The following FAT1 variants were observed in gnomAD, a reference collection of about 807,000 sequenced individuals.
The protein encoded by FAT1 is FAT atypical cadherin 1, also known as protocadherin Fat 1.
A neutral mutation model predicts 329.8 loss-of-function variants in FAT1; 171 were observed. The ratio of observed to expected loss-of-function variants is 0.52; its 90% confidence interval spans 0.46 to 0.59. The LOEUF (loss-of-function observed/expected upper bound fraction) is 0.59, where lower values mean the gene tolerates loss of function less well. Among genes scored for constraint, FAT1 ranks in the 20% least tolerant of loss-of-function variants. The pLI is 0.00. For synonymous variants in FAT1, 2,233 were observed against 2,228.6 expected (o/e 1.00, Z -0.06); for missense variants, 5,672 against 5,774.4 (o/e 0.98, Z 0.57).
chr4:186,616,413 C>T (rs910618038), intron 11 of FAT1, among the ~76,000 whole-genome samples: 3 of 152,048 alleles, frequency 2.0e-5, no homozygotes, highest in South Asian at 2.1e-4. Flanking sequence ...CCACTCCTGA[C>T]GACCCACTTA....
intron 26 of FAT1, among the ~76,000 whole-genome samples, chr4:186,595,445 A>G (rs930601297): frequency 1.3e-5 from 2 of 152,222 alleles, no homozygotes; most frequent in African/African-American, 4.8e-5. Context: ...TTAGTCGATC[A>G]GATCCTTCAA....
At position 186,611,596 on chromosome 4, in the gene FAT1, T is replaced by C. The variant is rs1739449203; in HGVS notation, c.9643A>G (p.Thr3215Ala). The change falls in exon 14 of 27, where the codon ACT (threonine) becomes GCT (alanine). Residue 3215 changes from threonine (T) to alanine (A), a missense_variant. By Grantham distance (58) the Thr-to-Ala change is moderately conservative. Coordinates refer to ENST00000441802, the MANE Select transcript of FAT1 (RefSeq NM_005245.4). Reference protein sequence around the residue: ...GLPRRLTATGTVIVSVLDIND... With the variant: ...GLPRRLTATGAVIVSVLDIND... ...ATGTCAAGAACTGATACAATCACAG[T>C]GCCAGTGGCAGTCAGCCTCCTTGGC... The C allele has an allele frequency of 6.2e-7, 1 of 1,613,812 alleles. No individual in the cohort carries two copies.
intron 1 of FAT1, 103 bp from the exon 2 acceptor site, chr4:186,709,948 T>C (rs1579493605): frequency 4.6e-6 from 5 of 1,088,260 alleles, no homozygotes; most frequent in Admixed American, 2.9e-5. Flanking sequence ...TCCATACACA[T>C]GGAATATAAA....
At chr4:186,688,668 A>AC (rs1743604491) in intron 2 of FAT1, among the ~76,000 whole-genome samples, 1 of 110,858 alleles carries the variant, frequency 9.0e-6, no homozygotes, top group Non-Finnish European at 1.8e-5. Flanking sequence ...CCCCCAAAAA[A>AC]ACACACACCC....
chr4:186,646,176 C>G (rs903376416), intron 3 of FAT1, among the ~76,000 whole-genome samples: 8 of 152,014 alleles, frequency 5.3e-5, no homozygotes, highest in African/African-American at 1.9e-4. Flanking sequence ...CCTATGTTCA[C>G]CTCACCCGGC....
intron 1 of FAT1, among the ~76,000 whole-genome samples, chr4:186,711,950 GGAT>G (rs1403646892): frequency 6.6e-6 from 1 of 152,048 alleles, no homozygotes; most frequent in Non-Finnish European, 1.5e-5. Context: ...AGAAACACTT[GGAT>G]GATGTTTAGC....
chr4:186,619,749 G>T lies in FAT1; in HGVS notation c.6837C>A (p.Asn2279Lys). ...AAGACTGCTGAGCAAACACAGGAGG[G>T]TTATCATTGATGTCGTCTACTATGA... is the stretch of plus-strand genomic sequence containing the variant. Reference protein sequence around the residue: ...VDIIVDDINDNPPVFAQQSYA... With the variant: ...VDIIVDDINDKPPVFAQQSYA... Residue 2279 changes from asparagine to lysine, a missense_variant, in exon 10 of 27, where the codon AAC (asparagine) becomes AAA (lysine). Coordinates refer to ENST00000441802, the MANE Select transcript of FAT1 (RefSeq NM_005245.4). 6.2e-7 allele frequency: 1 copy of T among 1,613,984 alleles called. No homozygotes were observed. The highest frequency in any genetic ancestry group is 1.1e-5 in the South Asian group (1 of 91,082).
At chr4:186,680,900 G>A (rs1198673027) in intron 2 of FAT1, among the ~76,000 whole-genome samples, 3 of 152,116 alleles carry the variant, frequency 2.0e-5, no homozygotes, top group Non-Finnish European at 2.9e-5. Flanking sequence ...ATTGGTGAGG[G>A]AAATGGCTCA....
intron 22 of FAT1, among the ~76,000 whole-genome samples, chr4:186,599,029 C>T (rs1257972958): frequency 1.3e-5 from 2 of 152,208 alleles, no homozygotes; most frequent in South Asian, 2.1e-4. Context: ...TGCCATACTC[C>T]TTTACTCCTG....
In FAT1 at chr4:186,603,976, A is replaced by G. The variant is rs1364298146; in HGVS notation, c.10550T>C (p.Val3517Ala). 1.2e-6 allele frequency: 2 copies of G among 1,603,748 alleles called. No individual in the cohort carries two copies. The highest frequency in any genetic ancestry group is 2.2e-5 in the East Asian group (1 of 44,674). Residue 3517 changes from valine (V) to alanine (A), a missense_variant and splice_region_variant, in exon 19 of 27, where the codon GTG becomes GCG. Coordinates refer to ENST00000441802, the MANE Select transcript of FAT1 (RefSeq NM_005245.4). ...CAACTGAGGCTTTCCATTATCTGCC[A>G]CCTACAAGAAAAGAAAAATAAAATC... Reference protein sequence around the residue: ...EKDHYLLQVKVADNGKPQLSS... With the variant: ...EKDHYLLQVKAADNGKPQLSS...
In FAT1 at chr4:186,619,920, G is replaced by A. The variant is rs1404973734; in HGVS notation, c.6666C>T (p.Asp2222=). 4 of 1,613,854 alleles carry A rather than the reference G, an allele frequency of 2.5e-6. No individual in the cohort carries two copies. The highest frequency in any genetic ancestry group is 3.4e-6 in the Non-Finnish European group (4 of 1,179,892). ...AGTTAATAGTGAACTGGCTGAAAGG[G>A]TCTCCGTCTGTGATGCTGTAGAACA... ...LKVFYSITDG[D]PFSQFTINFN... Residue 2222 remains aspartate (D), a synonymous_variant, in exon 10 of 27, where the codon GAC becomes GAT. Transcript: ENST00000441802.
rs1739279017 is a variant in FAT1, at chr4:186,609,228, G to A, written c.10161C>T (p.Pro3387=). The A allele has an allele frequency of 3.1e-6, 5 of 1,613,966 alleles. No individual in the cohort carries two copies. The highest frequency in any genetic ancestry group is 1.7e-4 in the Middle Eastern group (1 of 6,060). The change falls in exon 16 of 27, where the codon CCC becomes CCT. Residue 3387 remains proline, a synonymous_variant. Coordinates refer to ENST00000441802, the MANE Select transcript of FAT1 (RefSeq NM_005245.4). ...GNQGSSFTID[P]VRGEVKVTKL... ...TGGTCACTTTGACTTCTCCCCTGAC[G>A]GGGTCAATTGTGAACGAGCTTCCTT...
intron 3 of FAT1, among the ~76,000 whole-genome samples, chr4:186,657,960 T>C (rs555946723): frequency 6.6e-6 from 1 of 152,318 alleles, no homozygotes; most frequent in South Asian, 2.1e-4. Context: ...CCCTTTCTTC[T>C]CTGTCCTTGA....
At chr4:186,590,285 C>T in intron 26 of FAT1, 1 of 842,714 alleles carries the variant, frequency 1.2e-6, no homozygotes, top group South Asian at 1.4e-5. Flanking sequence ...CTGGGCGACC[C>T]AGCGTAGTCA....
chr4:186,617,692 T>TAAATTAA lies in FAT1; in HGVS notation c.8878+15_8878+16insTTAATTT. 6.5e-7 allele frequency: 1 copy of TAAATTAA among 1,527,250 alleles called. No individual in the cohort carries two copies. Among genetic ancestry groups the TAAATTAA allele is most frequent in the Non-Finnish European group, 8.8e-7 (1 of 1,133,700 alleles). The allele number at this position is 1,527,250 out of a possible 1,614,324, so 94.6% of individuals were successfully genotyped here. A position where few individuals can be genotyped will look rare whatever the true frequency, so the allele number is the denominator to read the frequency against. ...ATTTTAAATTAATTAAACCGTTTGG[T>TAAATTAA]ATGAATTTTTTTTACCTGTTATGAA... is the stretch of plus-strand genomic sequence containing the variant. On this transcript the variant is annotated intron_variant, in intron 10 of 26. Transcript: ENST00000441802.
At chr4:186,612,252 C>T (rs910152526) in intron 13 of FAT1, among the ~76,000 whole-genome samples, 32 of 137,848 alleles carry the variant, frequency 2.3e-4, no homozygotes, top group African/African-American at 7.7e-4. Flanking sequence ...AATATAATTT[C>T]ATGGGAATCT....
intron 2 of FAT1, among the ~76,000 whole-genome samples, chr4:186,699,900 G>C (rs1301837051): frequency 6.6e-6 from 1 of 152,128 alleles, no homozygotes; most frequent in Non-Finnish European, 1.5e-5. Flanking sequence ...AGTTGTACAC[G>C]GTAGGTAATA....
At chr4:186,723,971 T>C (rs1488630418), upstream of FAT1, 1 of 149,662 alleles carries the variant, frequency 6.7e-6, no homozygotes, top group Non-Finnish European at 1.5e-5. Flanking sequence ...GACCGCGGGC[T>C]CGGCCACGCA....
chr4:186,615,239 C>A (rs1472042396), intron 11 of FAT1, among the ~76,000 whole-genome samples: 2 of 151,970 alleles, frequency 1.3e-5, no homozygotes, highest in Admixed American at 1.3e-4. Flanking sequence ...AATGTCGCAC[C>A]CCTTCTGAAA....
Sources: allele counts gnomAD v4.1 joint callset (sites outside exome capture counted in the v4.1 genomes callset), GRCh38; gene constraint gnomAD v4.1.1; transcripts MANE v1.5; gene names NCBI Gene and HGNC (gene_info 2026-07-23, HGNC 2026-07-21).